The following ERCC4 variants were observed in gnomAD, a reference collection of about 807,000 sequenced individuals.
ERCC4 encodes the protein ERCC excision repair 4, endonuclease catalytic subunit.
Under a neutral mutation model 76.9 loss-of-function variants are expected in ERCC4, and 65 were observed. The ratio of observed to expected loss-of-function variants is 0.84; its 90% CI spans 0.69 to 1.04. The LOEUF (loss-of-function observed/expected upper bound fraction) is 1.04. Ranked by LOEUF, ERCC4 falls within the 50% of genes least tolerant of loss-of-function variation. The pLI is 0.00. For synonymous variants in ERCC4, 463 were observed against 410.1 expected (o/e 1.13, Z -1.56); for missense variants, 1,214 against 1,128.2 (o/e 1.08, Z -1.09).
At chr16:13,940,886 A>G (rs767461783) in intron 9 of ERCC4, among the ~76,000 whole-genome samples, 1 of 152,186 alleles carries the variant, frequency 6.6e-6, no homozygotes, top group Admixed American at 6.6e-5. Flanking sequence ...CTGCTGAGTT[A>G]ATCCTTTCCT....
At position 13,935,633 on chromosome 16, in the gene ERCC4, A is replaced by G; in HGVS notation, c.1701A>G (p.Thr567=). 6.2e-7 allele frequency: 1 copy of G among 1,614,072 alleles called. No homozygotes were observed. Among genetic ancestry groups the G allele is most frequent in the Non-Finnish European group, 8.5e-7 (1 of 1,179,950 alleles). ...GTTGCAGCGACCCCTATGCTCTGAC[A>G]AGGGTACTACATGAAGTGGAGCCAA... ...LLGCSDPYAL[T]RVLHEVEPRY... is the part of the protein sequence containing the mutation. The change falls in exon 8 of 11, where the codon ACA becomes ACG. Residue 567 remains threonine, a synonymous_variant. Transcript: ENST00000311895.
chr16:13,936,238 C>G (rs771031634), intron 8 of ERCC4, among the ~76,000 whole-genome samples: 1 of 152,148 alleles, frequency 6.6e-6, no homozygotes, highest in East Asian at 1.9e-4. Flanking sequence ...GAAACATCTA[C>G]AGAAATATCA....
In ERCC4 at chr16:13,935,272, A is replaced by C; in HGVS notation, c.1340A>C (p.Glu447Ala). 1 of 1,614,144 alleles carries C rather than the reference A, an allele frequency of 6.2e-7. No homozygotes were observed. Among genetic ancestry groups the C allele is most frequent in the Non-Finnish European group, 8.5e-7 (1 of 1,180,022 alleles). ...RKTFEKDSKAEEVWMKFRKED... is the reference protein window; with the variant it reads ...RKTFEKDSKAAEVWMKFRKED... ...ACCTTTGAGAAGGATAGCAAAGCTG[A>C]AGAAGTCTGGATGAAATTTAGGAAG... Residue 447 changes from glutamate (E) to alanine (A), a missense_variant, in exon 8 of 11, where the codon GAA becomes GCA. Coordinates refer to ENST00000311895, the MANE Select transcript of ERCC4 (RefSeq NM_005236.3).
chr16:13,936,472 A>G (rs1162638377), intron 8 of ERCC4, among the ~76,000 whole-genome samples: 1 of 152,250 alleles, frequency 6.6e-6, no homozygotes. Flanking sequence ...GAGGCTGGTA[A>G]AATAATTATA....
At chr16:13,920,396 T>C in intron 1 of ERCC4, 24 bp downstream of exon 1, 1 of 1,541,430 alleles carries the variant, frequency 6.5e-7, no homozygotes, top group Non-Finnish European at 8.7e-7. Flanking sequence ...GGCGCGGGAG[T>C]GAGGGGACTC....
intron 6 of ERCC4, chr16:13,933,069 A>G (rs1567246591): frequency 5.3e-6 from 2 of 373,960 alleles, no homozygotes; most frequent in Admixed American, 3.3e-5. Context: ...AAAAAAAAAC[A>G]CAAAAACTTT....
chr16:13,928,257 A>C, intron 4 of ERCC4, 22 bp downstream of exon 4: 1 of 1,465,596 alleles, frequency 6.8e-7, no homozygotes, highest in East Asian at 2.3e-5. Context: ...CCTTTTAAGC[A>C]CAGTTTATTA....
At chr16:13,942,076 A>G (rs2032422962) in intron 9 of ERCC4, among the ~76,000 whole-genome samples, 1 of 152,002 alleles carries the variant, frequency 6.6e-6, no homozygotes, top group Non-Finnish European at 1.5e-5. Context: ...TTAAAATAAA[A>G]TAAATTTTAA....
chr16:13,932,505 C>T lies in ERCC4; in HGVS notation c.1102+220C>T, dbSNP rs2032192911. ...GAAGTATACAGCATGGCAAGTCTTG[C>T]AGTCTATTGCCCAGGGCTTCCAAAT... On this transcript the variant is annotated intron_variant, in intron 6 of 10. Coordinates refer to ENST00000311895, the MANE Select transcript of ERCC4 (RefSeq NM_005236.3). 1.2e-5 allele frequency: 7 copies of T among 592,084 alleles called. No homozygotes were observed. The South Asian group carries it at 1.3e-4, about 11-fold the overall frequency. The allele number at this position is 592,084 out of a possible 1,614,324, so 36.7% of individuals were successfully genotyped here. A position where few individuals can be genotyped will look rare whatever the true frequency, so the allele number is the denominator to read the frequency against.
Position 13,933,113 on chromosome 16 carries a change from G to A in ERCC4, c.1102+828G>A, listed in dbSNP as rs41541520. On this transcript the variant is annotated intron_variant, in intron 6 of 10. Coordinates refer to ENST00000311895, the MANE Select transcript of ERCC4 (RefSeq NM_005236.3). ...CCTGGCGAGGTGATGTGCACTTATC[G>A]TCTCAGCTACTTGAGAGGCTAAGGT... 1.6e-3 allele frequency: 558 copies of A among 356,120 alleles called. 5 individuals carry two copies. Among genetic ancestry groups the A allele is most frequent in the Middle Eastern group, 8.6e-3 (22 of 2,556 alleles). 22.1% of individuals were successfully genotyped at this position (356,120 alleles called of 1,614,324 possible). A position where few individuals can be genotyped will look rare whatever the true frequency, so the allele number is the denominator to read the frequency against.
intron 9 of ERCC4, among the ~76,000 whole-genome samples, chr16:13,943,014 A>G (rs1424927916): frequency 2.6e-5 from 4 of 152,224 alleles, no homozygotes; most frequent in African/African-American, 9.6e-5. Flanking sequence ...TCTGGTATTG[A>G]GAATAATGAG....
rs1015206018 is a variant in ERCC4, at chr16:13,950,568, C to T, written c.*2221C>T. 5 of 193,448 alleles carry T rather than the reference C, an allele frequency of 2.6e-5. No individual in the cohort carries two copies. The highest frequency in any genetic ancestry group is 6.1e-5 in the Admixed American group (1 of 16,398). The allele number at this position is 193,448 out of a possible 1,614,324, so 12.0% of individuals were successfully genotyped here. A position where few individuals can be genotyped will look rare whatever the true frequency, so the allele number is the denominator to read the frequency against. ...AAAATTTGAATGATTACAACATTAT[C>T]GTTAACATTCAATTTTGTATTTATT... On this transcript the variant is annotated 3_prime_UTR_variant, in exon 11 of 11. Coordinates refer to ENST00000311895, the MANE Select transcript of ERCC4 (RefSeq NM_005236.3).
chr16:13,950,650 A>G lies in ERCC4; in HGVS notation c.*2303A>G. The stretch of plus-strand genomic sequence containing the variant: ...AATAGACCTACCACTTCAAATGATA[A>G]TGATTATTATAATGTCTCTTCACCC... On this transcript the variant is annotated 3_prime_UTR_variant, in exon 11 of 11. Transcript: ENST00000311895. 5.2e-6 allele frequency: 1 copy of G among 192,616 alleles called. No homozygotes were observed. The highest frequency in any genetic ancestry group is 1.1e-5 in the Non-Finnish European group (1 of 92,322). The allele number at this position is 192,616 out of a possible 1,614,324, so 11.9% of individuals were successfully genotyped here.
chr16:13,944,842 C>T lies in ERCC4; in HGVS notation c.2017+7C>T. 1 of 1,574,262 alleles carries T rather than the reference C, an allele frequency of 6.4e-7. No individual in the cohort carries two copies. Among genetic ancestry groups the T allele is most frequent in the Non-Finnish European group, 8.7e-7 (1 of 1,143,926 alleles). On this transcript the variant is annotated splice_region_variant and intron_variant, in intron 10 of 10. Transcript: ENST00000311895. Reference sequence around the variant, plus strand: ...ACTGACACTCGGAAAGCCGGTGAGTCCTGCACTTTGTCAGGCACCTCCATT... The same window carrying T: ...ACTGACACTCGGAAAGCCGGTGAGTTCTGCACTTTGTCAGGCACCTCCATT...
intron 4 of ERCC4, 51 bp from the exon 5 acceptor site, chr16:13,930,659 A>G (rs967030646): frequency 7.7e-7 from 1 of 1,292,694 alleles, no homozygotes; most frequent in Non-Finnish European, 1.1e-6. Flanking sequence ...TGTATTAAGA[A>G]TAACTATACT....
intron 8 of ERCC4, among the ~76,000 whole-genome samples, chr16:13,936,150 T>G (rs1300009122): frequency 6.6e-6 from 1 of 152,212 alleles, no homozygotes; most frequent in African/African-American, 2.4e-5. Context: ...GAAATGACTC[T>G]AAATTACATC....
Position 13,946,093 on chromosome 16 carries a change from C to G in ERCC4, c.2017+1258C>G, listed in dbSNP as rs143092331. Among the ~76,000 whole-genome samples the G allele has an allele frequency of 2.0e-3, 304 of 152,302 alleles. 1 individual carries two copies. The highest frequency in any genetic ancestry group is 6.5e-3 in the African/African-American group (272 of 41,570). ...TCTAGAGGCCACCTGATTTCCTTAG[C>G]TTATAGCCCCTTCCTCCATCTTCAT... On this transcript the variant is annotated intron_variant, in intron 10 of 10. Coordinates refer to ENST00000311895, the MANE Select transcript of ERCC4 (RefSeq NM_005236.3).
rs930782043 is a variant in ERCC4, at chr16:13,951,189, G to A, written c.*2842G>A. The A allele has an allele frequency of 5.4e-6, 1 of 184,006 alleles. No homozygotes were observed. The highest frequency in any genetic ancestry group is 1.2e-5 in the Non-Finnish European group (1 of 86,782). 11.4% of individuals were successfully genotyped at this position (184,006 alleles called of 1,614,324 possible). On this transcript the variant is annotated 3_prime_UTR_variant, in exon 11 of 11. Transcript: ENST00000311895. ...TTTTTTTTACAATCTAATAATCTTT[G>A]GTAAAGGAACTAGAGATGCATGCAG...
rs931897187 is a variant in ERCC4 at position 13,949,601 on chromosome 16, A to G, written c.*1254A>G. The stretch of plus-strand genomic sequence containing the variant: ...GTGTAGGTAAATGAAAGATCAATGT[A>G]TGGAATATATAAAAATACGAAAGAA... On this transcript the variant is annotated 3_prime_UTR_variant, in exon 11 of 11. Transcript: ENST00000311895. 8.6e-6 allele frequency: 2 copies of G among 232,690 alleles called. No homozygotes were observed. Among genetic ancestry groups the G allele is most frequent in the African/African-American group, 4.4e-5 (2 of 45,340 alleles). 14.4% of individuals were successfully genotyped at this position (232,690 alleles called of 1,614,324 possible).
Sources: gnomAD v4.1 joint callset for allele counts (sites outside exome capture counted in the v4.1 genomes callset) on GRCh38, gnomAD v4.1.1 for gene constraint, MANE v1.5 for transcripts, NCBI Gene and HGNC (gene_info 2026-07-23, HGNC 2026-07-21) for gene names.